HCN1: variants seen among roughly 807,000 people sequenced by gnomAD.
The protein encoded by HCN1 is hyperpolarization activated cyclic nucleotide gated potassium channel 1.
Under a neutral mutation model 78.9 loss-of-function variants are expected in HCN1, and 13 were observed. The observed-to-expected ratio is 0.16, with a 90% CI of 0.11 to 0.26. The LOEUF is 0.26. Ranked by LOEUF, HCN1 falls within the 10% of genes least tolerant of loss-of-function variation. HCN1 has a pLI of 1.00. For synonymous variants in HCN1, 552 were observed against 455.5 expected, an observed-to-expected ratio of 1.21 and a Z score of -2.70; for missense variants, 810 against 1,154.3, an observed-to-expected ratio of 0.70 and a Z score of 4.32.
chr5:45,661,353 G>A (rs1352095487), intron 1 of HCN1, among the ~76,000 whole-genome samples: 1 of 149,752 alleles, frequency 6.7e-6, no homozygotes, highest in African/African-American at 2.5e-5. Context: ...GAGAAAGCAG[G>A]AAAGATCCAA....
chr5:45,642,121 T>C (rs138493210), intron 2 of HCN1: 1 of 152,330 alleles, frequency 6.6e-6, no homozygotes, highest in East Asian at 1.9e-4. Context: ...TCTGGCTTGA[T>C]TTATCTAAAT....
At chr5:45,491,604 T>C (rs1741888179) in intron 2 of HCN1, among the ~76,000 whole-genome samples, 1 of 152,202 alleles carries the variant, frequency 6.6e-6, no homozygotes, top group African/African-American at 2.4e-5. Flanking sequence ...ATTTGTTTAC[T>C]TACTTATTCT....
At chr5:45,306,977 A>G (rs1403544909) in intron 5 of HCN1, among the ~76,000 whole-genome samples, 3 of 152,120 alleles carry the variant, frequency 2.0e-5, no homozygotes, top group Non-Finnish European at 4.4e-5. Flanking sequence ...GTAGTACAAG[A>G]AAGTATGTAC....
intron 2 of HCN1, among the ~76,000 whole-genome samples, chr5:45,523,545 T>C (rs1742660049): frequency 6.6e-6 from 1 of 152,148 alleles, no homozygotes; most frequent in South Asian, 2.1e-4. Flanking sequence ...TTTAAATGAT[T>C]GCCATTCTAA....
intron 3 of HCN1, among the ~76,000 whole-genome samples, chr5:45,440,051 A>G (rs1740641380): frequency 6.7e-6 from 1 of 149,386 alleles, no homozygotes; most frequent in Non-Finnish European, 1.5e-5. Flanking sequence ...TTATTATATA[A>G]CATATATAGA....
intron 1 of HCN1, among the ~76,000 whole-genome samples, chr5:45,661,470 G>T (rs1487344559): frequency 7.4e-6 from 1 of 134,960 alleles, no homozygotes; most frequent in Non-Finnish European, 1.6e-5. Flanking sequence ...AGAACTGAAG[G>T]AAATAGAGAC....
At chr5:45,570,717 G>T (rs373315853) in intron 2 of HCN1, among the ~76,000 whole-genome samples, 2 of 152,008 alleles carry the variant, frequency 1.3e-5, no homozygotes, top group Admixed American at 6.6e-5. Context: ...CATTGTTAGT[G>T]CCTTACTTTT....
chr5:45,395,853 A>AG (rs925810968), intron 4 of HCN1, among the ~76,000 whole-genome samples: 4 of 152,152 alleles, frequency 2.6e-5, no homozygotes, highest in African/African-American at 9.7e-5. Flanking sequence ...ATGTGGGAAA[A>AG]AAAAATCCAA....
intron 1 of HCN1, among the ~76,000 whole-genome samples, chr5:45,694,511 C>G (rs1488088176): frequency 6.6e-6 from 1 of 152,194 alleles, no homozygotes; most frequent in Non-Finnish European, 1.5e-5. Context: ...CCCTTAGTTT[C>G]TAAACTAACT....
intron 2 of HCN1, among the ~76,000 whole-genome samples, chr5:45,489,929 C>G (rs922283808): frequency 2.0e-5 from 3 of 152,154 alleles, no homozygotes; most frequent in African/African-American, 7.2e-5. Context: ...ATAGTTCATT[C>G]AATTAGCGTT....
In HCN1 at chr5:45,342,003, G is replaced by T. The variant is rs113611772; in HGVS notation, c.1377+11097C>A. On this transcript the variant is annotated intron_variant, in intron 5 of 7. Coordinates refer to ENST00000303230, the MANE Select transcript of HCN1 (RefSeq NM_021072.4). ...CTAATATTAAAAAAATCTGTAAAGG[G>T]CACCCATTTTTCTTCAGTGAATAAT... Among the ~76,000 whole-genome samples the T allele has an allele frequency of 5.9e-5, 9 of 151,992 alleles. 1 individual carries two copies. Among genetic ancestry groups the T allele is most frequent in the African/African-American group, 2.2e-4 (9 of 41,450 alleles).
At chr5:45,422,757 A>G (rs941076927) in intron 3 of HCN1, among the ~76,000 whole-genome samples, 6 of 152,176 alleles carry the variant, frequency 3.9e-5, no homozygotes, top group Non-Finnish European at 7.4e-5. Context: ...AAAAATATAT[A>G]TATCACTTAA....
At chr5:45,421,419 A>G (rs929553057) in intron 3 of HCN1, among the ~76,000 whole-genome samples, 4 of 152,174 alleles carry the variant, frequency 2.6e-5, no homozygotes, top group South Asian at 2.1e-4. Flanking sequence ...GCCATGGGAT[A>G]TCATACTGCA....
intron 5 of HCN1, among the ~76,000 whole-genome samples, chr5:45,313,900 C>T (rs2111921843): frequency 6.6e-6 from 1 of 152,206 alleles, no homozygotes; most frequent in East Asian, 1.9e-4. Context: ...ATTGGTGTAC[C>T]TGAAAGTGAC....
chr5:45,272,238 C>T (rs1744973982), intron 6 of HCN1, among the ~76,000 whole-genome samples: 1 of 151,848 alleles, frequency 6.6e-6, no homozygotes, highest in Non-Finnish European at 1.5e-5. Context: ...GTGTATTTGC[C>T]ATATCTGTGT....
At chr5:45,349,857 G>A (rs1746847805) in intron 5 of HCN1, among the ~76,000 whole-genome samples, 1 of 152,078 alleles carries the variant, frequency 6.6e-6, no homozygotes, top group Admixed American at 6.6e-5. Context: ...ACCAGTAACA[G>A]GCTCTGAAAT....
intron 2 of HCN1, among the ~76,000 whole-genome samples, chr5:45,523,185 A>T (rs1453841529): frequency 6.6e-6 from 1 of 152,198 alleles, no homozygotes; most frequent in Non-Finnish European, 1.5e-5. Flanking sequence ...AAAGGACATG[A>T]ACTCATCATT....
chr5:45,639,355 TGTC>T (rs1219972680), intron 2 of HCN1, among the ~76,000 whole-genome samples: 1 of 152,182 alleles, frequency 6.6e-6, no homozygotes, highest in African/African-American at 2.4e-5. Context: ...TTCAGAAAGA[TGTC>T]ATCATATATT....
At chr5:45,391,487 G>A (rs1402689413) in intron 4 of HCN1, among the ~76,000 whole-genome samples, 2 of 152,068 alleles carry the variant, frequency 1.3e-5, no homozygotes, top group African/African-American at 4.8e-5. Flanking sequence ...ATTCATAAAT[G>A]ATTATGGGCA....
Sources: allele counts gnomAD v4.1 joint callset (sites outside exome capture counted in the v4.1 genomes callset), GRCh38; gene constraint gnomAD v4.1.1; transcripts MANE v1.5; gene names NCBI Gene and HGNC (gene_info 2026-07-23, HGNC 2026-07-21).